Variants in YIPF6 observed in about 807,000 individuals in gnomAD.
The protein encoded by YIPF6 is Yip1 domain family member 6.
In YIPF6, 3 loss-of-function variants were observed where a neutral mutation model predicts 16.8. The observed-to-expected ratio is 0.18, with a 90% CI of 0.08 to 0.46. The LOEUF (loss-of-function observed/expected upper bound fraction) is 0.46, where lower values mean the gene tolerates loss of function less well. Among genes scored for constraint, YIPF6 ranks in the 20% least tolerant of loss-of-function variants. The pLI is 0.98. For synonymous variants in YIPF6, 67 were observed against 61.9 expected, an observed-to-expected ratio of 1.08 and a Z score of -0.38; for missense variants, 145 against 184.9, an observed-to-expected ratio of 0.78 and a Z score of 1.25.
intron 1 of YIPF6, among the ~76,000 whole-genome samples, chrX:68,500,447 C>G (rs1250024297): frequency 9.0e-6 from 1 of 110,663 alleles, no homozygotes; most frequent in Non-Finnish European, 1.9e-5. Context: ...TCCTGAGTAG[C>G]TGGGATTACA....
chrX:68,518,937 T>C, intron 4 of YIPF6, 125 bp downstream of exon 4: 1 of 621,587 alleles, frequency 1.6e-6, no homozygotes, highest in Non-Finnish European at 2.4e-6. Flanking sequence ...TTGTACATGT[T>C]ATACTCCTTA....
At chrX:68,500,142 T>C (rs2079035508) in intron 1 of YIPF6, among the ~76,000 whole-genome samples, 2 of 111,937 alleles carry the variant, frequency 1.8e-5, no homozygotes, top group African/African-American at 6.5e-5. Flanking sequence ...AATACCTGCC[T>C]CAAAACAGTT....
intron 6 of YIPF6, 100 bp downstream of exon 6, chrX:68,523,017 G>A (rs974355850): frequency 1.0e-6 from 1 of 1,002,277 alleles, no homozygotes; most frequent in Non-Finnish European, 1.4e-6. Flanking sequence ...TTAGATGTGA[G>A]TGATATGATT....
At chrX:68,513,509 T>C (rs2079089334) in intron 3 of YIPF6, 104 bp downstream of exon 3, 1 of 433,489 alleles carries the variant, frequency 2.3e-6, no homozygotes, top group Non-Finnish European at 3.6e-6. Context: ...CTGACATCAT[T>C]TTGTAGGATA....
At chrX:68,513,756 T>G (rs1373086406) in intron 3 of YIPF6, 2 of 111,003 alleles carry the variant, frequency 1.8e-5, no homozygotes, top group Non-Finnish European at 3.7e-5. Flanking sequence ...CCCAGCTAAT[T>G]TTTTTGTATT....
At chrX:68,510,424 G>T (rs2079075798) in intron 1 of YIPF6, among the ~76,000 whole-genome samples, 1 of 109,633 alleles carries the variant, frequency 9.1e-6, no homozygotes, top group Non-Finnish European at 1.9e-5. Flanking sequence ...ATTGAAAAAA[G>T]CCTAGTTTCT....
rs1032137859 is a variant in YIPF6, at chrX:68,518,358, A to AT, written c.266-406dup. Among the ~76,000 whole-genome samples the AT allele has an allele frequency of 9.9e-4, 109 of 110,444 alleles. 1 individual carries two copies. Among genetic ancestry groups the AT allele is most frequent in the Non-Finnish European group, 3.2e-4 (17 of 52,941 alleles). ...GGCAAGTCATTTCCTTCTCAGCTTC[A>AT]TTTTTTGTATTTGTGAACTGAGCAT... On this transcript the variant is annotated intron_variant, in intron 3 of 6. Coordinates refer to ENST00000462683, the MANE Select transcript of YIPF6 (RefSeq NM_173834.4).
chrX:68,510,405 A>G (rs1420950413), intron 1 of YIPF6, among the ~76,000 whole-genome samples: 1 of 109,971 alleles, frequency 9.1e-6, no homozygotes, highest in Non-Finnish European at 1.9e-5. Context: ...ATTTATATGG[A>G]CAACATATAT....
rs188918569 is a variant in YIPF6, at chrX:68,529,769, C to T, written c.593-2112C>T. ...TCTGCTTAAGTTTGCTGGAGGTCCA[C>T]TCCAGACCCTGTTTGCCTGGGTATC... is the stretch of plus-strand genomic sequence containing the variant. On this transcript the variant is annotated intron_variant, in intron 6 of 6. Transcript: ENST00000462683. 9.8e-5 allele frequency among the ~76,000 whole-genome samples: 11 copies of T among 111,843 alleles called. No individual in the cohort carries two copies. In the East Asian group the frequency reaches 2.9e-3, roughly 29 times the overall value.
intron 1 of YIPF6, among the ~76,000 whole-genome samples, chrX:68,505,748 C>G (rs2079057221): frequency 8.9e-6 from 1 of 111,870 alleles, no homozygotes; most frequent in Non-Finnish European, 1.9e-5. Flanking sequence ...TTTTATTGGT[C>G]TCACCACATT....
At chrX:68,508,937 A>C (rs1192585525) in intron 1 of YIPF6, among the ~76,000 whole-genome samples, 1 of 110,913 alleles carries the variant, frequency 9.0e-6, no homozygotes, top group Non-Finnish European at 1.9e-5. Context: ...TCTGCTGCTG[A>C]GTTGTCAGTC....
At chrX:68,501,427 C>T (rs756018609) in intron 1 of YIPF6, among the ~76,000 whole-genome samples, 73 of 111,714 alleles carry the variant, frequency 6.5e-4, no homozygotes, top group African/African-American at 2.2e-3. Context: ...ACATCCTCTG[C>T]GTATTTGCTA....
At chrX:68,527,314 T>A (rs1475035449) in intron 6 of YIPF6, among the ~76,000 whole-genome samples, 1 of 111,953 alleles carries the variant, frequency 8.9e-6, no homozygotes, top group African/African-American at 3.2e-5. Flanking sequence ...GGGATCAGTG[T>A]TGATCTTCAA....
At chrX:68,503,660 A>C (rs1467080238) in intron 1 of YIPF6, among the ~76,000 whole-genome samples, 1 of 111,748 alleles carries the variant, frequency 8.9e-6, no homozygotes, top group East Asian at 2.8e-4. Flanking sequence ...GCCAAACTGC[A>C]CAGGTTAAAA....
chrX:68,531,745 C>A (rs970713844), intron 6 of YIPF6, 136 bp from the exon 7 acceptor site: 4 of 413,043 alleles, frequency 9.7e-6, no homozygotes, highest in Non-Finnish European at 1.6e-5. Flanking sequence ...CTCTGAGGAT[C>A]ACCAGTATAA....
rs778011435 is a variant in YIPF6, at chrX:68,537,119, CTG to C, written c.*5122_*5123del. On this transcript the variant is annotated 3_prime_UTR_variant, in exon 7 of 7. Coordinates refer to ENST00000462683, the MANE Select transcript of YIPF6 (RefSeq NM_173834.4). ...CTGCACTGCGCTGCTCTTGTTTACTCTGTTCTTTCAGAGCCTTTGTACTTTGC... is the reference window on the plus strand; with the variant it reads ...CTGCACTGCGCTGCTCTTGTTTACTCTTCTTTCAGAGCCTTTGTACTTTGC... The C allele has an allele frequency of 6.2e-5, 7 of 112,313 alleles. No homozygotes were observed. Among genetic ancestry groups the C allele is most frequent in the African/African-American group, 2.3e-4 (7 of 30,980 alleles). 9.3% of individuals were successfully genotyped at this position (112,313 alleles called of 1,213,427 possible).
In YIPF6 at chrX:68,519,928, C is replaced by T. The variant is rs180888808; in HGVS notation, c.308+1116C>T. Among the ~76,000 whole-genome samples the T allele has an allele frequency of 3.4e-4, 38 of 111,752 alleles. No homozygotes were observed. The South Asian group carries it at 0.012, about 37-fold the overall frequency. ...TTTTTTTTACTTTTGAAAGTTTAAC[C>T]TTATAGATTATGTAGTTTAACCCCA... On this transcript the variant is annotated intron_variant, in intron 4 of 6. Transcript: ENST00000462683.
intron 5 of YIPF6, among the ~76,000 whole-genome samples, chrX:68,522,521 G>A (rs1275718108): frequency 2.7e-5 from 3 of 109,898 alleles, no homozygotes; most frequent in Non-Finnish European, 3.8e-5. Flanking sequence ...GGCTGGTCTT[G>A]AACTTCTGAC....
chrX:68,524,015 A>G (rs2079137244), intron 6 of YIPF6, among the ~76,000 whole-genome samples: 1 of 112,249 alleles, frequency 8.9e-6, no homozygotes, highest in East Asian at 2.8e-4. Flanking sequence ...AATTTTAGGC[A>G]TGGTCTTTGT....
Sources: allele counts gnomAD v4.1 joint callset (sites outside exome capture counted in the v4.1 genomes callset), GRCh38; gene constraint gnomAD v4.1.1; transcripts MANE v1.5; gene names NCBI Gene and HGNC (gene_info 2026-07-23, HGNC 2026-07-21).